ANKRD62: variants seen among roughly 807,000 people sequenced by gnomAD.
The protein encoded by ANKRD62 is ankyrin repeat domain 62, also known as ankyrin repeat domain-containing protein 62.
A neutral mutation model predicts 98.8 loss-of-function variants in ANKRD62; 61 were observed. That is an observed-to-expected ratio of 0.62 (90% CI 0.50 to 0.76). The LOEUF is 0.76. Ranked by LOEUF, ANKRD62 falls within the 30% of genes least tolerant of loss-of-function variation. The pLI is 0.00. For synonymous variants in ANKRD62, 341 were observed against 367.9 expected (o/e 0.93, Z 0.84); for missense variants, 933 against 1,082.9 (o/e 0.86, Z 1.94).
rs574737786 is a variant in ANKRD62, at chr18:12,102,039, G to C, written c.821-1119G>C. ...CAGCTTTGCAGATGCCCACATCATG[G>C]TAGTTGAAATAGCAAAGCCCAGCAA... On this transcript the variant is annotated intron_variant, in intron 6 of 13. Transcript: ENST00000587848. 8 of 1,399,132 alleles carry C rather than the reference G, an allele frequency of 5.7e-6. No individual in the cohort carries two copies. In the East Asian group the frequency reaches 1.8e-4, roughly 32 times the overall value. 86.7% of individuals were successfully genotyped at this position (1,399,132 alleles called of 1,614,324 possible).
chr18:12,155,995 CTG>C, the ANKRD62 span, among the ~76,000 whole-genome samples: 1 of 152,116 alleles, frequency 6.6e-6, no homozygotes, highest in Admixed American at 6.5e-5. Context: ...AGTTCTCACT[CTG>C]TTAGTTCAGG....
At chr18:12,110,710 C>T (rs1428772188) in intron 8 of ANKRD62, among the ~76,000 whole-genome samples, 1 of 152,140 alleles carries the variant, frequency 6.6e-6, no homozygotes, top group Non-Finnish European at 1.5e-5. Context: ...CATTTTTTCA[C>T]TGTAATACAT....
chr18:12,172,376 C>T, the ANKRD62 span, among the ~76,000 whole-genome samples: 1 of 152,200 alleles, frequency 6.6e-6, no homozygotes, highest in Non-Finnish European at 1.5e-5. Context: ...GGTCCCTCAG[C>T]TGCAGGTCTG....
At chr18:12,167,163 T>C in the ANKRD62 span, among the ~76,000 whole-genome samples, 1 of 152,074 alleles carries the variant, frequency 6.6e-6, no homozygotes, top group Admixed American at 6.6e-5. Context: ...TACTTTAAGT[T>C]CTAGGGTACA....
chr18:12,103,129 T>C lies in ANKRD62; in HGVS notation c.821-29T>C, dbSNP rs753865453. On this transcript the variant is annotated intron_variant, in intron 6 of 13. Coordinates refer to ENST00000587848, the MANE Select transcript of ANKRD62 (RefSeq NM_001277333.2). ...TATCTAATTGTTCTAAGTAGTTCATTTTAACTAAATATATGGATTTGTGAG... is the reference window on the plus strand; with the variant it reads ...TATCTAATTGTTCTAAGTAGTTCATCTTAACTAAATATATGGATTTGTGAG... The C allele has an allele frequency of 1.6e-5, 22 of 1,343,442 alleles. No individual in the cohort carries two copies. The South Asian group carries it at 4.7e-4, about 29-fold the overall frequency. The allele number at this position is 1,343,442 out of a possible 1,614,324, so 83.2% of individuals were successfully genotyped here.
In ANKRD62 at chr18:12,115,116, A is replaced by G. The variant is rs1909633518; in HGVS notation, c.1093A>G (p.Ser365Gly). The change falls in exon 9 of 14, where the codon AGC becomes GGC. Residue 365 changes from serine (S) to glycine (G), a missense_variant. Ser to Gly is a moderately conservative substitution (Grantham distance 56). This residue lies in a region of ANKRD62 where 549 missense variants were observed against 587.9 expected (regional missense o/e 0.93). Transcript: ENST00000587848. ...TGCAAGGAAAACCTCTAATGAAAAG[A>G]GCAAGGTATTATAAAAGTAAATTGT... ...RLARKTSNEK[S>G]KVKSQIYFTD... The G allele has an allele frequency of 2.1e-6, 3 of 1,407,394 alleles. No individual in the cohort carries two copies. The East Asian group carries it at 7.8e-5, about 37-fold the overall frequency. 87.2% of individuals were successfully genotyped at this position (1,407,394 alleles called of 1,614,324 possible).
the ANKRD62 span, among the ~76,000 whole-genome samples, chr18:12,160,600 T>A: frequency 6.6e-6 from 1 of 152,194 alleles, no homozygotes; most frequent in Non-Finnish European, 1.5e-5. Flanking sequence ...CTGGGGCTTG[T>A]ATTTCATGTG....
At chr18:12,168,172 C>A in the ANKRD62 span, among the ~76,000 whole-genome samples, 1 of 152,120 alleles carries the variant, frequency 6.6e-6, no homozygotes, top group African/African-American at 2.4e-5. Context: ...GCTTTTGTTG[C>A]CATTGCTTTT....
intron 6 of ANKRD62, among the ~76,000 whole-genome samples, chr18:12,100,232 T>G (rs1909270232): frequency 6.6e-6 from 1 of 152,184 alleles, no homozygotes; most frequent in African/African-American, 2.4e-5. Context: ...ATATTAGTTA[T>G]ATGTATTATA....
chr18:12,107,527 T>C (rs1909441675), intron 8 of ANKRD62, 60 bp downstream of exon 8: 1 of 1,236,240 alleles, frequency 8.1e-7, no homozygotes. Context: ...AAATGAATTC[T>C]AATTTGGGTT....
chr18:12,115,589 A>C, intron 10 of ANKRD62, 55 bp downstream of exon 10: 2 of 1,451,810 alleles, frequency 1.4e-6, no homozygotes, highest in Non-Finnish European at 1.8e-6. Flanking sequence ...TAATGTATGC[A>C]CATATTGCTT....
chr18:12,095,884 G>C (rs1005103838), intron 3 of ANKRD62, among the ~76,000 whole-genome samples: 4 of 152,148 alleles, frequency 2.6e-5, no homozygotes, highest in Non-Finnish European at 5.9e-5. Context: ...CTAGATTTCA[G>C]GCTTCTCTTA....
At chr18:12,130,164 ATTATTT>A (rs1041060603), downstream of ANKRD62, among the ~76,000 whole-genome samples, 102 of 152,002 alleles carry the variant, frequency 6.7e-4, no homozygotes, top group Non-Finnish European at 1.2e-4. Context: ...AATTTTCTAC[ATTATTT>A]TTAATTTTAC....
At chr18:12,105,050 A>G (rs1265975630) in intron 7 of ANKRD62, among the ~76,000 whole-genome samples, 1 of 152,220 alleles carries the variant, frequency 6.6e-6, no homozygotes, top group Non-Finnish European at 1.5e-5. Flanking sequence ...ACATGATGAA[A>G]AAATCACCAA....
the ANKRD62 span, among the ~76,000 whole-genome samples, chr18:12,138,709 G>C: frequency 1.3e-5 from 2 of 152,198 alleles, no homozygotes; most frequent in African/African-American, 2.4e-5. Flanking sequence ...CTCAGGACTT[G>C]CTTTATGAAT....
At chr18:12,132,920 T>C (rs1910027175), downstream of ANKRD62, among the ~76,000 whole-genome samples, 1 of 152,186 alleles carries the variant, frequency 6.6e-6, no homozygotes, top group Non-Finnish European at 1.5e-5. Flanking sequence ...TGGTGAAATA[T>C]ACATAACATA....
chr18:12,107,424 G>C lies in ANKRD62; in HGVS notation c.1021G>C (p.Asp341His). 6.6e-7 allele frequency: 1 copy of C among 1,513,774 alleles called. No homozygotes were observed. The highest frequency in any genetic ancestry group is 8.8e-7 in the Non-Finnish European group (1 of 1,136,242). The allele number at this position is 1,513,774 out of a possible 1,614,324, so 93.8% of individuals were successfully genotyped here. Reference sequence around the variant, plus strand: ...TCACAAAATAAAGAACAGAAAACCTGATAATCATCAATCTCCTGGGAAGGA... The same window carrying C: ...TCACAAAATAAAGAACAGAAAACCTCATAATCATCAATCTCCTGGGAAGGA... ...LIHKIKNRKP[D>H]NHQSPGKENG... The change falls in exon 8 of 14, where the codon GAT becomes CAT. Residue 341 changes from aspartate (D) to histidine (H), a missense_variant. By Grantham distance (81) the Asp-to-His change is moderately conservative. This residue lies in a region of ANKRD62 where 549 missense variants were observed against 587.9 expected (regional missense o/e 0.93). Transcript: ENST00000587848.
At chr18:12,173,287 C>G in the ANKRD62 span, among the ~76,000 whole-genome samples, 2 of 152,222 alleles carry the variant, frequency 1.3e-5, no homozygotes, top group African/African-American at 4.8e-5. Context: ...GGCTTAAAGT[C>G]TGTTTTGTCT....
chr18:12,098,551 A>G (rs940127350), intron 5 of ANKRD62: 22 of 152,264 alleles, frequency 1.4e-4, no homozygotes, highest in African/African-American at 5.3e-4. Context: ...CAAGAAGGCC[A>G]TTTGACTAGT....
Sources: allele counts gnomAD v4.1 joint callset (sites outside exome capture counted in the v4.1 genomes callset), GRCh38; gene constraint gnomAD v4.1.1; regional missense constraint gnomAD v4.1.1; transcripts MANE v1.5; gene names NCBI Gene and HGNC (gene_info 2026-07-23, HGNC 2026-07-21).